FGF14: variants seen among roughly 807,000 people sequenced by gnomAD.
FGF14 encodes fibroblast growth factor 14, also known as fibroblast growth factor homologous factor 4.
A neutral mutation model predicts 25.5 loss-of-function variants in FGF14; 5 were observed. That is an observed-to-expected ratio of 0.20 (90% CI 0.10 to 0.41). FGF14 has a LOEUF of 0.41. FGF14 is among the 10% of genes least tolerant of loss of function. The probability of loss-of-function intolerance (pLI) is 1.00; values close to 1 mark genes in which losing one functional copy is unlikely to be tolerated. For missense variants in FGF14, 222 were observed against 320.1 expected (o/e 0.69, Z 2.34); for synonymous variants, 138 against 118.3 (o/e 1.17, Z -1.08).
intron 3 of FGF14, among the ~76,000 whole-genome samples, chr13:101,820,759 T>C (rs191464662): frequency 0.019 from 1,572 of 84,804 alleles, 35 homozygotes; most frequent in African/African-American, 0.047. Context: ...ACAGCTACAG[T>C]ACACACACAC....
Position 101,958,197 on chromosome 13 carries a change from T to C in FGF14, c.209-82901A>G, listed in dbSNP as rs117933841. Among the ~76,000 whole-genome samples, 391 of 152,328 alleles carry C rather than the reference T, an allele frequency of 2.6e-3. 2 individuals are homozygous for C. The highest frequency in any genetic ancestry group is 4.4e-3 in the Admixed American group (67 of 15,302). ...GCTTCTCTAAAGCATGTTCTGTGTC[T>C]GTGAGGTTGGCAATTTATAAAGGAA... is the stretch of plus-strand genomic sequence containing the variant. On this transcript the variant is annotated intron_variant, in intron 1 of 4. Transcript: ENST00000376131.
intron 1 of FGF14, among the ~76,000 whole-genome samples, chr13:101,968,933 A>C (rs538549933): frequency 1.8e-4 from 27 of 148,868 alleles, no homozygotes; most frequent in Non-Finnish European, 3.7e-4. Context: ...AGGGTACTTT[A>C]AGGAAGATGG....
chr13:101,953,296 CCTTTTT>C (rs2036290086), intron 1 of FGF14, among the ~76,000 whole-genome samples: 1 of 152,070 alleles, frequency 6.6e-6, no homozygotes, highest in South Asian at 2.1e-4. Flanking sequence ...TTTATCTTTT[CCTTTTT>C]AATTAATTCC....
chr13:101,871,100 AC>A (rs958887878), intron 2 of FGF14, among the ~76,000 whole-genome samples: 2 of 152,180 alleles, frequency 1.3e-5, no homozygotes, highest in Non-Finnish European at 2.9e-5. Context: ...CCATGATGGA[AC>A]CGGTACTAGT....
At chr13:102,244,485 A>G (rs933235032) in intron 1 of FGF14, among the ~76,000 whole-genome samples, 45 of 152,088 alleles carry the variant, frequency 3.0e-4, no homozygotes, top group Admixed American at 9.8e-4. Flanking sequence ...ACTTCCTTAA[A>G]ATTATATTAT....
At chr13:102,226,342 G>A (rs2050824007) in intron 1 of FGF14, among the ~76,000 whole-genome samples, 1 of 152,078 alleles carries the variant, frequency 6.6e-6, no homozygotes, top group Non-Finnish European at 1.5e-5. Context: ...CTAGCTAATA[G>A]ACCAGGAACA....
rs571223532 is a variant in FGF14, at chr13:101,714,804, C to T, written c.*8027G>A. 74 of 492,660 alleles carry T rather than the reference C, an allele frequency of 1.5e-4. No homozygotes were observed. Among genetic ancestry groups the T allele is most frequent in the African/African-American group, 1.3e-3 (66 of 51,876 alleles). The allele number at this position is 492,660 out of a possible 1,614,324, so 30.5% of individuals were successfully genotyped here. On this transcript the variant is annotated 3_prime_UTR_variant, in exon 5 of 5. Transcript: ENST00000376143. ...GGATCCTTCCACAAAGTAACCTCCC[C>T]ACCCTCAAACTCACATGTATGCAGT...
chr13:102,375,071 G>T (rs534111021), intron 1 of FGF14, among the ~76,000 whole-genome samples: 1 of 152,076 alleles, frequency 6.6e-6, no homozygotes, highest in Non-Finnish European at 1.5e-5. Context: ...AACACAACTA[G>T]TTAAAGGGAG....
At chr13:102,349,860 C>T (rs1300456205) in intron 1 of FGF14, among the ~76,000 whole-genome samples, 3 of 152,166 alleles carry the variant, frequency 2.0e-5, no homozygotes, top group Non-Finnish European at 1.5e-5. Flanking sequence ...TCAAATATTA[C>T]TTTCACTAAT....
intron 1 of FGF14, among the ~76,000 whole-genome samples, chr13:102,005,888 A>G (rs2139767057): frequency 6.6e-6 from 1 of 152,370 alleles, no homozygotes; most frequent in Admixed American, 6.5e-5. Context: ...TCATTTGGAA[A>G]AGTCATAAGA....
intron 1 of FGF14, among the ~76,000 whole-genome samples, chr13:102,267,748 T>A (rs1398774869): frequency 1.3e-5 from 2 of 152,172 alleles, no homozygotes; most frequent in Non-Finnish European, 2.9e-5. Flanking sequence ...AATGTTATAA[T>A]CCTTGGTATT....
At chr13:102,363,007 T>C (rs1054259830) in intron 1 of FGF14, among the ~76,000 whole-genome samples, 2 of 152,144 alleles carry the variant, frequency 1.3e-5, no homozygotes, top group Admixed American at 6.6e-5. Context: ...TCATGAAAAA[T>C]AGTGAGCATG....
intron 3 of FGF14, among the ~76,000 whole-genome samples, chr13:101,851,472 G>A (rs145827782): frequency 6.6e-6 from 1 of 152,134 alleles, no homozygotes; most frequent in Non-Finnish European, 1.5e-5. Context: ...CTTTGTTACC[G>A]CAGTCCTAGC....
intron 1 of FGF14, among the ~76,000 whole-genome samples, chr13:102,169,083 T>G (rs1217176453): frequency 6.6e-6 from 1 of 151,504 alleles, no homozygotes; most frequent in East Asian, 1.9e-4. Flanking sequence ...TGATCCCAGA[T>G]CCTACCTTAG....
intron 1 of FGF14, among the ~76,000 whole-genome samples, chr13:101,947,872 CA>C (rs2035912939): frequency 6.6e-6 from 1 of 151,922 alleles, no homozygotes; most frequent in Non-Finnish European, 1.5e-5. Flanking sequence ...AAAATTAAAG[CA>C]ATATGTAAGA....
intron 1 of FGF14, among the ~76,000 whole-genome samples, chr13:102,074,458 A>G (rs2043279797): frequency 6.6e-6 from 1 of 152,236 alleles, no homozygotes; most frequent in Non-Finnish European, 1.5e-5. Flanking sequence ...ACTATTCATT[A>G]AACAAGTTTT....
intron 1 of FGF14, among the ~76,000 whole-genome samples, chr13:102,121,406 T>A (rs1025419091): frequency 1.4e-5 from 2 of 146,076 alleles, no homozygotes; most frequent in African/African-American, 5.2e-5. Context: ...AGAAAATTAG[T>A]TTTTATAGTT....
chr13:102,198,015 T>C (rs2049440618), intron 1 of FGF14, among the ~76,000 whole-genome samples: 1 of 152,202 alleles, frequency 6.6e-6, no homozygotes, highest in Non-Finnish European at 1.5e-5. Flanking sequence ...TCTCTAGCCA[T>C]GGTCCTCTTC....
chr13:102,090,652 C>T (rs527586387), intron 1 of FGF14, among the ~76,000 whole-genome samples: 82 of 152,346 alleles, frequency 5.4e-4, no homozygotes, highest in African/African-American at 1.8e-3. Context: ...GCCACGTCCT[C>T]TGCGTGCCTT....
Sources: allele counts gnomAD v4.1 joint callset (sites outside exome capture counted in the v4.1 genomes callset), GRCh38; gene constraint gnomAD v4.1.1; transcripts MANE v1.5; gene names NCBI Gene and HGNC (gene_info 2026-07-23, HGNC 2026-07-21).